Variants in UBAC2 observed in about 807,000 individuals in gnomAD.
The protein encoded by UBAC2 is UBA domain containing 2.
In UBAC2, 26 loss-of-function variants were observed where a neutral mutation model predicts 44.0. The observed-to-expected ratio is 0.59, with a 90% CI of 0.43 to 0.82. UBAC2 has a LOEUF of 0.82. Among genes scored for constraint, UBAC2 ranks in the 40% least tolerant of loss-of-function variants. UBAC2 has a pLI of 0.00. For missense variants in UBAC2, 329 were observed against 419.4 expected, an observed-to-expected ratio of 0.78 and a Z score of 1.88; for synonymous variants, 155 against 154.3, an observed-to-expected ratio of 1.00 and a Z score of -0.04.
intron 1 of UBAC2, among the ~76,000 whole-genome samples, chr13:99,229,920 T>G (rs2043153785): frequency 6.6e-6 from 1 of 152,242 alleles, no homozygotes; most frequent in African/African-American, 2.4e-5. Context: ...TTGAACAGTG[T>G]TTGCCTTCTT....
chr13:99,295,733 C>T lies in UBAC2; in HGVS notation c.390-18364C>T, dbSNP rs377287560. ...TTCAATCCTTTTTATCTTGTTGTAGCGTAGAGGGTGCACCACAGCAATGAA... is the reference window on the plus strand; with the variant it reads ...TTCAATCCTTTTTATCTTGTTGTAGTGTAGAGGGTGCACCACAGCAATGAA... On this transcript the variant is annotated intron_variant, in intron 4 of 8. Transcript: ENST00000403766. The surrounding 1 kb of genome is among the most constrained non-coding windows in gnomAD (Gnocchi z 4.1). The T allele has an allele frequency of 4.3e-6, 7 of 1,613,904 alleles. No individual in the cohort carries two copies. The African/African-American group carries it at 6.7e-5, about 15-fold the overall frequency.
chr13:99,383,900 C>T (rs1346209396), intron 8 of UBAC2, among the ~76,000 whole-genome samples: 2 of 152,274 alleles, frequency 1.3e-5, no homozygotes, highest in Non-Finnish European at 2.9e-5. Flanking sequence ...CCCCACCTGC[C>T]TCTCTACTCT....
rs183436395 is a variant in UBAC2 at position 99,367,970 on chromosome 13, A to G, written c.927+64A>G. The G allele has an allele frequency of 1.8e-5, 28 of 1,573,018 alleles. No homozygotes were observed. The African/African-American group carries it at 3.7e-4, about 21-fold the overall frequency. On this transcript the variant is annotated intron_variant, in intron 8 of 8. Transcript: ENST00000403766. ...ATGTTTCAGAGTTGAAGCAGTTTCG[A>G]TCAACAGGACTCAAAAGTAATCAAG...
intron 1 of UBAC2, among the ~76,000 whole-genome samples, chr13:99,218,646 G>A (rs1215127669): frequency 6.6e-6 from 1 of 152,094 alleles, no homozygotes; most frequent in Non-Finnish European, 1.5e-5. Flanking sequence ...TATGAGGAGC[G>A]GTCAGTGTGG....
intron 4 of UBAC2, among the ~76,000 whole-genome samples, chr13:99,245,655 A>G (rs2043374662): frequency 6.6e-6 from 1 of 152,252 alleles, no homozygotes; most frequent in Non-Finnish European, 1.5e-5. Context: ...AGCCTGGTCA[A>G]TATGGTGAAA....
intron 6 of UBAC2, among the ~76,000 whole-genome samples, chr13:99,328,141 A>G (rs983636511): frequency 1.6e-4 from 25 of 152,240 alleles, no homozygotes; most frequent in African/African-American, 6.0e-4. Flanking sequence ...TTGAACATGA[A>G]AATTTCACCA....
At chr13:99,305,733 G>A (rs4772186) in intron 4 of UBAC2, among the ~76,000 whole-genome samples, 37,028 of 152,048 alleles carry the variant, frequency 0.24, 5,063 homozygotes, top group African/African-American at 0.36. Context: ...ACATAAACAT[G>A]TGAGTGAACA....
chr13:99,266,870 G>C (rs559294932), intron 4 of UBAC2, among the ~76,000 whole-genome samples: 19 of 152,238 alleles, frequency 1.2e-4, no homozygotes, highest in African/African-American at 4.3e-4. Flanking sequence ...GTTCTTTTGG[G>C]TTATATCCCT....
intron 7 of UBAC2, among the ~76,000 whole-genome samples, chr13:99,349,993 C>T (rs2045057116): frequency 6.6e-6 from 1 of 152,128 alleles, no homozygotes; most frequent in Non-Finnish European, 1.5e-5. Flanking sequence ...GACCAAGGAG[C>T]CCTCATGCCG....
rs776806085 is a variant in UBAC2, at chr13:99,238,551, C to T, written c.156C>T (p.Phe52=). 1 of 1,606,854 alleles carries T rather than the reference C, an allele frequency of 6.2e-7. No individual in the cohort carries two copies. The highest frequency in any genetic ancestry group is 1.7e-5 in the Admixed American group (1 of 59,916). The part of the protein sequence containing the change: ...VYDLHAVKND[F]QIWRLICGRI... ...ACCTTCACGCAGTCAAGAACGACTT[C>T]CAGGTAAGCTCTGCCTCATTGGCCC... The change falls in exon 2 of 9, where the codon TTC becomes TTT. Residue 52 remains phenylalanine, a synonymous_variant. Coordinates refer to ENST00000403766, the MANE Select transcript of UBAC2 (RefSeq NM_001144072.2).
intron 4 of UBAC2, among the ~76,000 whole-genome samples, chr13:99,266,229 T>C (rs1159818798): frequency 6.6e-6 from 1 of 151,836 alleles, no homozygotes; most frequent in East Asian, 1.9e-4. Context: ...CTATATAATA[T>C]GTAGCTTTAT....
intron 7 of UBAC2, among the ~76,000 whole-genome samples, chr13:99,365,965 A>G (rs1009978071): frequency 6.6e-6 from 1 of 152,184 alleles, no homozygotes; most frequent in Non-Finnish European, 1.5e-5. Flanking sequence ...TATCCCTAAT[A>G]CTGCCTTTTT....
chr13:99,226,303 C>G (rs931253457), intron 1 of UBAC2, among the ~76,000 whole-genome samples: 1 of 152,174 alleles, frequency 6.6e-6, no homozygotes, highest in African/African-American at 2.4e-5. Flanking sequence ...TTGTCCAGAA[C>G]AAAACTTAAT....
chr13:99,340,540 A>G lies in UBAC2; in HGVS notation c.782A>G (p.Gln261Arg), dbSNP rs1272398560. The change falls in exon 7 of 9, where the codon CAA becomes CGA. Residue 261 changes from glutamine (Q) to arginine (R), a missense_variant. Physicochemically the swap from Gln to Arg is conservative, Grantham distance 43 (BLOSUM62 1). Transcript: ENST00000403766. The stretch of plus-strand genomic sequence containing the variant: ...CAGCTGATGTTCTCTCAGTTTGCAC[A>G]AGGGAGGCGACAGAGACAGCAGCAG... ...DRQLMFSQFA[Q>R]GRRQRQQQGG... 6.2e-7 allele frequency: 1 copy of G among 1,614,016 alleles called. No homozygotes were observed. The highest frequency in any genetic ancestry group is 2.2e-5 in the East Asian group (1 of 44,880).
At chr13:99,318,614 A>T (rs916924660) in intron 6 of UBAC2, among the ~76,000 whole-genome samples, 1 of 150,508 alleles carries the variant, frequency 6.6e-6, no homozygotes, top group Non-Finnish European at 1.5e-5. Flanking sequence ...AGGTCAGGAG[A>T]TCGAGACCAT....
At chr13:99,374,107 A>G (rs2045446861) in intron 8 of UBAC2, among the ~76,000 whole-genome samples, 2 of 152,232 alleles carry the variant, frequency 1.3e-5, no homozygotes, top group Admixed American at 1.3e-4. Flanking sequence ...CCTCCATTCT[A>G]CAAAACAGAA....
chr13:99,299,516 A>G (rs544226598), intron 4 of UBAC2, among the ~76,000 whole-genome samples: 1 of 152,268 alleles, frequency 6.6e-6, no homozygotes, highest in Admixed American at 6.5e-5. Context: ...TTGTATGAGT[A>G]ATTTTGGGGC....
chr13:99,293,740 C>T (rs2044125820), intron 4 of UBAC2, among the ~76,000 whole-genome samples: 1 of 152,022 alleles, frequency 6.6e-6, no homozygotes, highest in South Asian at 2.1e-4. Context: ...GTTGAATCAA[C>T]CATTAAGATT....
chr13:99,211,853 A>C (rs771930913), intron 1 of UBAC2, among the ~76,000 whole-genome samples: 1 of 152,126 alleles, frequency 6.6e-6, no homozygotes, highest in Non-Finnish European at 1.5e-5. Flanking sequence ...TGGAAACTGC[A>C]TCATTGTGTC....
Sources: allele counts gnomAD v4.1 joint callset (sites outside exome capture counted in the v4.1 genomes callset), GRCh38; gene constraint gnomAD v4.1.1; non-coding constraint Gnocchi (gnomAD v3.1); transcripts MANE v1.5; gene names NCBI Gene and HGNC (gene_info 2026-07-23, HGNC 2026-07-21).